RFX3: variants seen among roughly 807,000 people sequenced by gnomAD.
RFX3 encodes transcription factor RFX3.
A neutral mutation model predicts 98.6 loss-of-function variants in RFX3; 14 were observed. The ratio of observed to expected loss-of-function variants is 0.14; its 90% CI spans 0.09 to 0.22. RFX3 has a LOEUF of 0.22. Ranked by LOEUF, RFX3 falls within the 10% of genes least tolerant of loss-of-function variation. The pLI is 1.00. For synonymous variants in RFX3, 383 were observed against 328.4 expected (o/e 1.17, Z -1.80); for missense variants, 639 against 926.9 (o/e 0.69, Z 4.03).
intron 4 of RFX3, among the ~76,000 whole-genome samples, chr9:3,318,820 G>A (rs1830928040): frequency 6.6e-6 from 1 of 152,136 alleles, no homozygotes; most frequent in African/African-American, 2.4e-5. Context: ...AAAAACGGTT[G>A]CCTAAGAAAC....
intron 14 of RFX3, among the ~76,000 whole-genome samples, chr9:3,254,183 T>C (rs1821794491): frequency 6.6e-6 from 1 of 151,916 alleles, no homozygotes. Flanking sequence ...AAGTAAGTAA[T>C]TTTCTCTCCC....
intron 15 of RFX3, among the ~76,000 whole-genome samples, chr9:3,232,867 A>G (rs1446627685): frequency 3.9e-5 from 6 of 152,242 alleles, no homozygotes; most frequent in Admixed American, 3.9e-4. Flanking sequence ...AGAGACAGAC[A>G]GAGAGAAACA....
intron 14 of RFX3, among the ~76,000 whole-genome samples, chr9:3,255,001 C>T (rs767560498): frequency 3.9e-5 from 6 of 152,164 alleles, no homozygotes; most frequent in Non-Finnish European, 8.8e-5. Context: ...AATTGTACCA[C>T]TGCAAAAACA....
At chr9:3,338,813 G>C (rs566154412) in intron 3 of RFX3, among the ~76,000 whole-genome samples, 1 of 152,328 alleles carries the variant, frequency 6.6e-6, no homozygotes, top group South Asian at 2.1e-4. Flanking sequence ...TTCTAGGCCA[G>C]GCACGGTGGC....
chr9:3,249,887 G>A (rs561754914), intron 14 of RFX3, among the ~76,000 whole-genome samples: 13 of 151,940 alleles, frequency 8.6e-5, no homozygotes, highest in Non-Finnish European at 1.5e-4. Context: ...TAGGTCTAGT[G>A]AATGATATCT....
chr9:3,406,700 A>G (rs1372007049), intron 1 of RFX3, among the ~76,000 whole-genome samples: 1 of 152,210 alleles, frequency 6.6e-6, no homozygotes, highest in Non-Finnish European at 1.5e-5. Flanking sequence ...CATATTCTAC[A>G]CAATTTTTTA....
intron 4 of RFX3, among the ~76,000 whole-genome samples, chr9:3,314,865 T>A (rs1158602015): frequency 2.0e-5 from 3 of 152,098 alleles, no homozygotes; most frequent in Non-Finnish European, 4.4e-5. Context: ...AGCACCCAGA[T>A]TCATAAAGCA....
intron 1 of RFX3, among the ~76,000 whole-genome samples, chr9:3,439,785 C>T (rs544647036): frequency 1.3e-5 from 2 of 151,982 alleles, no homozygotes; most frequent in South Asian, 4.1e-4. Context: ...GGCTATGAGA[C>T]CAGCATTACT....
At chr9:3,339,088 C>A (rs1176072188) in intron 3 of RFX3, among the ~76,000 whole-genome samples, 2 of 151,138 alleles carry the variant, frequency 1.3e-5, no homozygotes, top group Admixed American at 1.3e-4. Context: ...GACTCCAACT[C>A]AAAAATAAAA....
At chr9:3,265,471 A>G (rs909006872) in intron 12 of RFX3, among the ~76,000 whole-genome samples, 1 of 152,196 alleles carries the variant, frequency 6.6e-6, no homozygotes, top group African/African-American at 2.4e-5. Context: ...GGCAAAGTAT[A>G]TTGCTGGAGT....
intron 7 of RFX3, among the ~76,000 whole-genome samples, chr9:3,282,029 G>T (rs1825977993): frequency 6.6e-6 from 1 of 151,728 alleles, no homozygotes; most frequent in African/African-American, 2.4e-5. Context: ...ATTATGTTTT[G>T]TAATTCCAGA....
At chr9:3,502,544 A>G (rs1216828412) in intron 1 of RFX3, among the ~76,000 whole-genome samples, 1 of 152,244 alleles carries the variant, frequency 6.6e-6, no homozygotes, top group Non-Finnish European at 1.5e-5. Flanking sequence ...AAATAATACC[A>G]TCTCACAGAA....
chr9:3,401,157 C>G (rs1841438770), intron 1 of RFX3, among the ~76,000 whole-genome samples: 1 of 152,158 alleles, frequency 6.6e-6, no homozygotes, highest in Admixed American at 6.6e-5. Context: ...CCATAAAACC[C>G]AACTAATACG....
chr9:3,416,175 T>A (rs1018500649), intron 1 of RFX3, among the ~76,000 whole-genome samples: 9 of 152,162 alleles, frequency 5.9e-5, no homozygotes, highest in African/African-American at 2.2e-4. Context: ...TTTAACTAGG[T>A]GCTTTATAAA....
intron 16 of RFX3, among the ~76,000 whole-genome samples, chr9:3,225,997 CGTTTT>C (rs527955263): frequency 1.8e-3 from 272 of 152,158 alleles, no homozygotes; most frequent in Non-Finnish European, 2.3e-3. Flanking sequence ...AATTGTAATA[CGTTTT>C]ATATTAACTA....
chr9:3,428,564 C>G (rs1026991049), intron 1 of RFX3, among the ~76,000 whole-genome samples: 1 of 152,080 alleles, frequency 6.6e-6, no homozygotes, highest in African/African-American at 2.4e-5. Flanking sequence ...CCTTACTTTG[C>G]TTATTTTTAT....
At chr9:3,494,252 G>C (rs1850951128) in intron 1 of RFX3, among the ~76,000 whole-genome samples, 1 of 152,136 alleles carries the variant, frequency 6.6e-6, no homozygotes, top group African/African-American at 2.4e-5. Context: ...AATTTGCATA[G>C]TATAGTAACA....
chr9:3,373,026 A>T (rs1564004614), intron 2 of RFX3, among the ~76,000 whole-genome samples: 2 of 152,212 alleles, frequency 1.3e-5, no homozygotes, highest in Non-Finnish European at 2.9e-5. Flanking sequence ...AAATAATATC[A>T]AAACAGGTAT....
chr9:3,394,076 T>C (rs1193744799), intron 2 of RFX3, among the ~76,000 whole-genome samples: 1 of 152,212 alleles, frequency 6.6e-6, no homozygotes, highest in East Asian at 1.9e-4. Context: ...CTATATATAG[T>C]TCAATCTAAT....
Sources: allele counts gnomAD v4.1 joint callset (sites outside exome capture counted in the v4.1 genomes callset), GRCh38; gene constraint gnomAD v4.1.1; transcripts MANE v1.5; gene names NCBI Gene and HGNC (gene_info 2026-07-23, HGNC 2026-07-21).